Variants in UBN1 observed in about 807,000 individuals in gnomAD.
UBN1 encodes the protein ubinuclein 1.
A neutral mutation model predicts 108.5 loss-of-function variants in UBN1; 17 were observed. The ratio of observed to expected loss-of-function variants is 0.16; its 90% CI spans 0.11 to 0.24. The LOEUF is 0.24. Ranked by LOEUF, UBN1 falls within the 10% of genes least tolerant of loss-of-function variation. The probability of loss-of-function intolerance (pLI) is 1.00; values close to 1 mark genes in which losing one functional copy is unlikely to be tolerated. For synonymous variants in UBN1, 726 were observed against 564.2 expected (o/e 1.29, Z -4.07); for missense variants, 1,595 against 1,394.4 (o/e 1.14, Z -2.29).
rs760436430 is a variant in UBN1 at position 4,870,632 on chromosome 16, C to T, written c.1428C>T (p.Ala476=). 22 of 1,613,872 alleles carry T rather than the reference C, an allele frequency of 1.4e-5. No homozygotes were observed. The highest frequency in any genetic ancestry group is 2.7e-5 in the African/African-American group (2 of 74,874). Residue 476 remains alanine, a splice_region_variant and synonymous_variant, in exon 10 of 18, where the codon GCC becomes GCT. Transcript: ENST00000262376. Reference sequence around the variant, plus strand: ...AGGCACACACGCAGGCAAAGGTTGCCAAGTAAGTTTGTCCTGGCGCTTGCA... The same window carrying T: ...AGGCACACACGCAGGCAAAGGTTGCTAAGTAAGTTTGTCCTGGCGCTTGCA... ...ECQAHTQAKV[A]KMLEEEKDKE...
At chr16:4,858,713 C>G (rs8060178) in intron 4 of UBN1, 50 bp downstream of exon 4, 145,574 of 1,565,406 alleles carry the variant, frequency 0.093, 10,136 homozygotes, top group African/African-American at 0.37. Flanking sequence ...CCTGTAGCTC[C>G]TCCTGATACT....
chr16:4,877,182 T>C lies in UBN1; in HGVS notation c.3265+71T>C. 6.5e-7 allele frequency: 1 copy of C among 1,534,932 alleles called. No individual in the cohort carries two copies. Among genetic ancestry groups the C allele is most frequent in the Non-Finnish European group, 8.7e-7 (1 of 1,145,408 alleles). On this transcript the variant is annotated intron_variant, in intron 16 of 17. Coordinates refer to ENST00000262376, the MANE Select transcript of UBN1 (RefSeq NM_001079514.3). This position sits in a 1 kb window ranked among gnomAD's most constrained non-coding sequence, Gnocchi z 4.3. ...TGTGGCCAGGGGTCCTGCTGTTGTG[T>C]ACTCTGGTTCCTGTGTTTGAGTCTG...
chr16:4,876,235 G>C (rs181228422), intron 15 of UBN1, among the ~76,000 whole-genome samples: 77 of 152,250 alleles, frequency 5.1e-4, no homozygotes, highest in African/African-American at 1.8e-3. Flanking sequence ...TGGGATTGCA[G>C]GTGTGAGCCA....
At chr16:4,849,689 C>T (rs968038786) in intron 1 of UBN1, among the ~76,000 whole-genome samples, 4 of 151,414 alleles carry the variant, frequency 2.6e-5, no homozygotes, top group Admixed American at 2.6e-4. Context: ...CCTTCCCAGT[C>T]TAAAGCCATC....
intron 14 of UBN1, 99 bp downstream of exon 14, chr16:4,873,172 C>T (rs1377788773): frequency 2.7e-5 from 42 of 1,533,290 alleles, no homozygotes; most frequent in Non-Finnish European, 3.4e-5. Flanking sequence ...TTGATCTTTG[C>T]TCGTCTGGGG....
Position 4,874,317 on chromosome 16 carries a change from C to A in UBN1, c.1907C>A (p.Ala636Asp). 6.2e-7 allele frequency: 1 copy of A among 1,614,176 alleles called. No homozygotes were observed. Reference sequence around the variant, plus strand: ...CAAACAGGAGGCCTGAGTATTGGGGCCTCGAGCAGGGAGCTCCCATCCCAG... The same window carrying A: ...CAAACAGGAGGCCTGAGTATTGGGGACTCGAGCAGGGAGCTCCCATCCCAG... ...DHQTGGLSIG[A>D]SSRELPSQAS... The change falls in exon 15 of 18, where the codon GCC (alanine) becomes GAC (aspartate). Residue 636 changes from alanine (A) to aspartate (D), a missense_variant. Physicochemically the swap from Ala to Asp is moderately radical, Grantham distance 126. Coordinates refer to ENST00000262376, the MANE Select transcript of UBN1 (RefSeq NM_001079514.3).
intron 2 of UBN1, 65 bp downstream of exon 2, chr16:4,853,231 G>A (rs930585121): frequency 1.5e-5 from 24 of 1,567,108 alleles, no homozygotes; most frequent in Non-Finnish European, 1.8e-5. Context: ...ATGCATGTGG[G>A]GCTTCCGTAG....
At position 4,874,479 on chromosome 16, in the gene UBN1, A is replaced by T. The variant is rs1201984201; in HGVS notation, c.2069A>T (p.Asn690Ile). 6.2e-7 allele frequency: 1 copy of T among 1,614,102 alleles called. No homozygotes were observed. ...GCATTGAATAGCAGAGCAGCTGGGA[A>T]CTCTGAATTCACACTGCCTGCACCC... ...LAALNSRAAG[N>I]SEFTLPAPSK... Residue 690 changes from asparagine to isoleucine, a missense_variant, in exon 15 of 18, where the codon AAC (asparagine) becomes ATC (isoleucine). By Grantham distance (149) the Asn-to-Ile change is moderately radical (BLOSUM62 -3). Transcript: ENST00000262376.
At chr16:4,849,596 C>T (rs567833114) in intron 1 of UBN1, among the ~76,000 whole-genome samples, 1 of 150,698 alleles carries the variant, frequency 6.6e-6, no homozygotes, top group African/African-American at 2.5e-5. Context: ...TTGTTTTTTT[C>T]TTTTTTTTGT....
chr16:4,861,813 C>T (rs1050545809), intron 7 of UBN1, among the ~76,000 whole-genome samples: 1 of 152,148 alleles, frequency 6.6e-6, no homozygotes, highest in Non-Finnish European at 1.5e-5. Flanking sequence ...CCTGGTGGCG[C>T]TCGCCGTAAT....
At chr16:4,859,741 T>G (rs2086973743) in intron 5 of UBN1, 124 bp from the exon 6 acceptor site, 2 of 1,467,914 alleles carry the variant, frequency 1.4e-6, no homozygotes, top group African/African-American at 2.9e-5. Flanking sequence ...TGAGAGCTTT[T>G]GTTCATGAAG....
chr16:4,872,786 G>T (rs74003527), intron 12 of UBN1, 98 bp from the exon 13 acceptor site: 1 of 1,395,808 alleles, frequency 7.2e-7, no homozygotes, highest in African/African-American at 1.4e-5. Flanking sequence ...ATTTAATGAG[G>T]GATAGCTACT....
chr16:4,875,483 G>C (rs1773439328), intron 15 of UBN1, 49 bp downstream of exon 15: 1 of 1,557,076 alleles, frequency 6.4e-7, no homozygotes, highest in Non-Finnish European at 8.7e-7. Flanking sequence ...CAGGGGCCTT[G>C]GGGATGAGGT....
intron 2 of UBN1, among the ~76,000 whole-genome samples, chr16:4,854,922 C>T (rs1271547770): frequency 6.6e-6 from 1 of 151,798 alleles, no homozygotes; most frequent in Non-Finnish European, 1.5e-5. Flanking sequence ...CAGGGTTCCA[C>T]CGTGTTAGCC....
chr16:4,877,609 T>C lies in UBN1; in HGVS notation c.3355+135T>C, dbSNP rs567834498. Reference sequence around the variant, plus strand: ...GTTGTTTTGGTTTGTCCTTTGAGGCTGTGCTTTGTCAGTACTCAGGGTGAC... The same window carrying C: ...GTTGTTTTGGTTTGTCCTTTGAGGCCGTGCTTTGTCAGTACTCAGGGTGAC... On this transcript the variant is annotated intron_variant, in intron 17 of 17. Coordinates refer to ENST00000262376, the MANE Select transcript of UBN1 (RefSeq NM_001079514.3). This position sits in a 1 kb window ranked among gnomAD's most constrained non-coding sequence, Gnocchi z 4.3. 10 of 1,414,152 alleles carry C rather than the reference T, an allele frequency of 7.1e-6. No individual in the cohort carries two copies. The South Asian group carries it at 1.3e-4, about 18-fold the overall frequency. 87.6% of individuals were successfully genotyped at this position (1,414,152 alleles called of 1,614,324 possible).
intron 14 of UBN1, among the ~76,000 whole-genome samples, chr16:4,873,955 G>A (rs2087759132): frequency 2.0e-5 from 3 of 152,168 alleles, no homozygotes; most frequent in South Asian, 2.1e-4. Flanking sequence ...TTCTCCTGGC[G>A]GCTTGTTTGT....
rs140934128 is a variant in UBN1 at position 4,879,035 on chromosome 16, C to T, written c.3356-1048C>T. ...AAAAGATTGCTTTCTGCTATATTTT[C>T]ATTTTTCCTCTGGGTATGAAAAGGC... On this transcript the variant is annotated intron_variant, in intron 17 of 17. Coordinates refer to ENST00000262376, the MANE Select transcript of UBN1 (RefSeq NM_001079514.3). Among the ~76,000 whole-genome samples the T allele has an allele frequency of 5.3e-5, 8 of 151,952 alleles. No homozygotes were observed. In the East Asian group the frequency reaches 1.6e-3, roughly 30 times the overall value.
chr16:4,863,619 C>A (rs1468397814), intron 7 of UBN1, among the ~76,000 whole-genome samples: 1 of 151,950 alleles, frequency 6.6e-6, no homozygotes, highest in Non-Finnish European at 1.5e-5. Flanking sequence ...TAATTTTCCC[C>A]CCCTTTTCCC....
chr16:4,877,449 C>T lies in UBN1; in HGVS notation c.3330C>T (p.Pro1110=). 3 of 1,611,846 alleles carry T rather than the reference C, an allele frequency of 1.9e-6. No individual in the cohort carries two copies. The highest frequency in any genetic ancestry group is 2.5e-6 in the Non-Finnish European group (3 of 1,179,576). The part of the protein sequence containing the change: ...HAAPLPHAAV[P]THIPQSLPGA... ...CGCCTCTCCCACACGCTGCGGTGCC[C>T]ACCCATATCCCGCAGAGTCTGCCAG... Residue 1110 remains proline (P), a synonymous_variant, in exon 17 of 18, where the codon CCC becomes CCT. Transcript: ENST00000262376. This position sits in a 1 kb window ranked among gnomAD's most constrained non-coding sequence, Gnocchi z 4.3.
Sources: allele counts gnomAD v4.1 joint callset (sites outside exome capture counted in the v4.1 genomes callset), GRCh38; gene constraint gnomAD v4.1.1; non-coding constraint Gnocchi (gnomAD v3.1); transcripts MANE v1.5; gene names NCBI Gene and HGNC (gene_info 2026-07-23, HGNC 2026-07-21).